Variants in HMGCLL1 observed in about 807,000 individuals in gnomAD.
HMGCLL1 encodes the protein 3-hydroxymethyl-3-methylglutaryl-CoA lyase, cytoplasmic.
In HMGCLL1, 36 loss-of-function variants were observed where a neutral mutation model predicts 39.1. That is an observed-to-expected ratio of 0.92 (90% CI 0.71 to 1.22). The LOEUF is 1.22. Among genes scored for constraint, HMGCLL1 ranks in the 50% most tolerant of loss-of-function variants. The pLI is 0.00. For missense variants in HMGCLL1, 451 were observed against 416.5 expected (o/e 1.08, Z -0.72); for synonymous variants, 149 against 144.0 (o/e 1.03, Z -0.25).
chr6:55,478,520 A>G (rs551052307), intron 7 of HMGCLL1, among the ~76,000 whole-genome samples: 2 of 151,560 alleles, frequency 1.3e-5, no homozygotes, highest in Non-Finnish European at 2.9e-5. Flanking sequence ...AGGAACAAAT[A>G]TATGTTTTAA....
chr6:55,627,918 TA>T, the HMGCLL1 span, among the ~76,000 whole-genome samples: 19 of 2,976 alleles, frequency 6.4e-3, 2 homozygotes, highest in East Asian at 0.017. Context: ...ACTATATATA[TA>T]TAATATATAT....
At chr6:55,650,126 TA>T in the HMGCLL1 span, among the ~76,000 whole-genome samples, 2 of 53,756 alleles carry the variant, frequency 3.7e-5, no homozygotes, top group African/African-American at 1.6e-4. Context: ...TATATATATA[TA>T]TATATATACA....
At chr6:55,547,075 G>T (rs1263529972) in intron 1 of HMGCLL1, among the ~76,000 whole-genome samples, 3 of 152,010 alleles carry the variant, frequency 2.0e-5, no homozygotes, top group African/African-American at 4.8e-5. Context: ...ACCTGAAAGA[G>T]ATTAAATGAC....
chr6:55,538,184 G>A (rs1202146546), intron 3 of HMGCLL1, among the ~76,000 whole-genome samples: 1 of 152,012 alleles, frequency 6.6e-6, no homozygotes, highest in Non-Finnish European at 1.5e-5. Flanking sequence ...CATTACTATA[G>A]GAAAGACTAT....
At chr6:55,658,956 T>A in the HMGCLL1 span, among the ~76,000 whole-genome samples, 53,137 of 151,710 alleles carry the variant, frequency 0.35, 9,699 homozygotes, top group African/African-American at 0.45. Context: ...TTCTGACTTC[T>A]GTGTGGAGAA....
intron 1 of HMGCLL1, among the ~76,000 whole-genome samples, chr6:55,544,716 A>C (rs906030876): frequency 6.6e-6 from 1 of 152,164 alleles, no homozygotes; most frequent in Non-Finnish European, 1.5e-5. Context: ...CTATCAGCAA[A>C]AGAACCCAGA....
At chr6:55,629,292 C>A in the HMGCLL1 span, among the ~76,000 whole-genome samples, 1 of 152,162 alleles carries the variant, frequency 6.6e-6, no homozygotes, top group African/African-American at 2.4e-5. Flanking sequence ...AGACTGGCAG[C>A]ATTTTGCCCC....
chr6:55,647,745 C>CTTTTTTTTTTTTTTTTTTTCTT, the HMGCLL1 span, among the ~76,000 whole-genome samples: 1 of 115,858 alleles, frequency 8.6e-6, no homozygotes, highest in African/African-American at 3.5e-5. Flanking sequence ...TTTTTTTTTC[C>CTTTTTTTTTTTTTTTTTTTCTT]TTTTTTTTTT....
the HMGCLL1 span, among the ~76,000 whole-genome samples, chr6:55,604,777 C>T: frequency 2.6e-5 from 4 of 152,180 alleles, no homozygotes; most frequent in African/African-American, 9.7e-5. Context: ...ATTTTACTCT[C>T]TCTGAATACA....
At chr6:55,526,840 T>G (rs1186562919) in intron 3 of HMGCLL1, among the ~76,000 whole-genome samples, 1 of 152,028 alleles carries the variant, frequency 6.6e-6, no homozygotes, top group Admixed American at 6.6e-5. Context: ...AAAATAAAAT[T>G]AGGCTTTCCT....
chr6:55,566,736 T>A (rs1373221701), intron 1 of HMGCLL1: 1 of 428,486 alleles, frequency 2.3e-6, no homozygotes, highest in Non-Finnish European at 4.7e-6. Context: ...ATTTCTCTGA[T>A]CTTTACAACA....
intron 1 of HMGCLL1, among the ~76,000 whole-genome samples, chr6:55,551,249 A>G (rs1253987818): frequency 2.6e-5 from 4 of 151,952 alleles, no homozygotes; most frequent in African/African-American, 9.7e-5. Flanking sequence ...CAATTTGACA[A>G]TGACACTTGG....
At chr6:55,490,719 G>T (rs1766264991) in intron 7 of HMGCLL1, among the ~76,000 whole-genome samples, 1 of 152,104 alleles carries the variant, frequency 6.6e-6, no homozygotes, top group African/African-American at 2.4e-5. Context: ...CTCAGAAACA[G>T]CTTTTTCCAA....
At chr6:55,503,032 A>T (rs1044569687) in intron 5 of HMGCLL1, among the ~76,000 whole-genome samples, 3 of 151,326 alleles carry the variant, frequency 2.0e-5, no homozygotes, top group African/African-American at 7.3e-5. Context: ...TTGTTTTCTC[A>T]TGTGCTTTAT....
At chr6:55,502,730 TGCA>T (rs1766957215) in intron 5 of HMGCLL1, among the ~76,000 whole-genome samples, 1 of 149,708 alleles carries the variant, frequency 6.7e-6, no homozygotes. Flanking sequence ...TTTTTTTGCT[TGCA>T]TTGTGAATTT....
At chr6:55,597,075 C>A in the HMGCLL1 span, among the ~76,000 whole-genome samples, 1 of 123,082 alleles carries the variant, frequency 8.1e-6, no homozygotes, top group East Asian at 3.9e-4. Context: ...GTGTATCATT[C>A]GCTTTTCCAC....
chr6:55,666,215 C>T, the HMGCLL1 span, among the ~76,000 whole-genome samples: 1 of 151,824 alleles, frequency 6.6e-6, no homozygotes, highest in Admixed American at 6.6e-5. Flanking sequence ...CATGATCCAG[C>T]CATGCAAATA....
intron 7 of HMGCLL1, among the ~76,000 whole-genome samples, chr6:55,484,161 C>A (rs1581841061): frequency 6.6e-6 from 1 of 152,080 alleles, no homozygotes; most frequent in Admixed American, 6.6e-5. Flanking sequence ...ACTCCAAAAG[C>A]AGAAGCCATA....
At chr6:55,629,337 A>T in the HMGCLL1 span, among the ~76,000 whole-genome samples, 1 of 152,248 alleles carries the variant, frequency 6.6e-6, no homozygotes, top group African/African-American at 2.4e-5. Flanking sequence ...AACTTGAGAG[A>T]GATGATTTAG....
Sources: allele counts gnomAD v4.1 joint callset (sites outside exome capture counted in the v4.1 genomes callset), GRCh38; gene constraint gnomAD v4.1.1; transcripts MANE v1.5; gene names NCBI Gene and HGNC (gene_info 2026-07-23, HGNC 2026-07-21).